FOXP2: variants seen among roughly 807,000 people sequenced by gnomAD.
FOXP2 encodes forkhead box P2, also known as forkhead box protein P2.
Under a neutral mutation model 115.8 loss-of-function variants are expected in FOXP2, and 12 were observed. The observed-to-expected ratio is 0.10, with a 90% CI of 0.07 to 0.17. FOXP2 has a LOEUF of 0.17. Ranked by LOEUF, FOXP2 falls within the 10% of genes least tolerant of loss-of-function variation. The pLI is 1.00. For synonymous variants in FOXP2, 328 were observed against 297.7 expected, an observed-to-expected ratio of 1.10 and a Z score of -1.05; for missense variants, 629 against 843.5, an observed-to-expected ratio of 0.75 and a Z score of 3.15.
intron 2 of FOXP2, among the ~76,000 whole-genome samples, chr7:114,515,510 T>C (rs1798292106): frequency 1.3e-5 from 2 of 152,240 alleles, no homozygotes; most frequent in African/African-American, 4.8e-5. Context: ...GCTGCATAGA[T>C]GTCTTCTTTG....
intron 2 of FOXP2, among the ~76,000 whole-genome samples, chr7:114,381,692 A>G (rs1316629332): frequency 6.6e-6 from 1 of 152,196 alleles, no homozygotes; most frequent in African/African-American, 2.4e-5. Context: ...AGCCTCACTG[A>G]TAATCCTGAG....
intron 1 of FOXP2, among the ~76,000 whole-genome samples, chr7:114,145,128 T>C (rs1792329918): frequency 6.6e-6 from 1 of 152,130 alleles, no homozygotes; most frequent in Non-Finnish European, 1.5e-5. Context: ...CATGACATAT[T>C]AAGCCCTCTA....
chr7:114,677,583 A>T (rs1807844961), intron 16 of FOXP2, among the ~76,000 whole-genome samples: 1 of 152,220 alleles, frequency 6.6e-6, no homozygotes, highest in Non-Finnish European at 1.5e-5. Context: ...TCCCTTTATA[A>T]TTTGACTGTT....
chr7:114,512,737 T>C (rs1244735248), intron 2 of FOXP2, among the ~76,000 whole-genome samples: 2 of 152,228 alleles, frequency 1.3e-5, no homozygotes, highest in African/African-American at 4.8e-5. Context: ...ATTAGTAGTA[T>C]AGTGAGGAAA....
At chr7:114,314,968 GA>G (rs991912736) in intron 2 of FOXP2, among the ~76,000 whole-genome samples, 10 of 151,876 alleles carry the variant, frequency 6.6e-5, no homozygotes, top group Non-Finnish European at 1.5e-4. Context: ...ACTTCTGAAA[GA>G]AAAAAAAGTG....
chr7:114,441,155 T>C (rs1794583840), intron 2 of FOXP2, among the ~76,000 whole-genome samples: 1 of 151,922 alleles, frequency 6.6e-6, no homozygotes, highest in African/African-American at 2.4e-5. Context: ...AAATAAAAAA[T>C]CGGAATGTTC....
At chr7:114,281,993 A>G (rs911451280) in intron 1 of FOXP2, among the ~76,000 whole-genome samples, 1 of 152,156 alleles carries the variant, frequency 6.6e-6, no homozygotes, top group African/African-American at 2.4e-5. Context: ...CTGTACAGAT[A>G]ATGCTTACAT....
chr7:114,409,345 A>T (rs1793111058), upstream of FOXP2, among the ~76,000 whole-genome samples: 1 of 152,144 alleles, frequency 6.6e-6, no homozygotes, highest in African/African-American at 2.4e-5. Context: ...AGATCCAAGG[A>T]TGGAGTGTAT....
intron 6 of FOXP2, 105 bp downstream of exon 6, chr7:114,631,810 A>G: frequency 8.7e-7 from 1 of 1,149,010 alleles, no homozygotes; most frequent in Non-Finnish European, 1.3e-6. Context: ...TATGACTTTC[A>G]AATTTATTAT....
At chr7:114,432,981 C>T (rs1235132024) in intron 2 of FOXP2, among the ~76,000 whole-genome samples, 4 of 151,886 alleles carry the variant, frequency 2.6e-5, no homozygotes, top group Non-Finnish European at 4.4e-5. Flanking sequence ...TGCAGTAACT[C>T]GATTTCACTG....
chr7:114,352,258 C>A (rs1014425456), intron 2 of FOXP2, among the ~76,000 whole-genome samples: 2 of 151,706 alleles, frequency 1.3e-5, no homozygotes, highest in African/African-American at 2.4e-5. Flanking sequence ...CAGAGTGAGA[C>A]CCTCTCTGAA....
In FOXP2 at chr7:114,658,230, G is replaced by A. The variant is rs148518030; in HGVS notation, c.1431G>A (p.Arg477=). 57 of 1,613,774 alleles carry A rather than the reference G, an allele frequency of 3.5e-5. No homozygotes were observed. The African/African-American group carries it at 7.3e-4, about 21-fold the overall frequency. The change falls in exon 11 of 17, where the codon AGG becomes AGA. Residue 477 remains arginine (R), a synonymous_variant. Transcript: ENST00000350908. The stretch of plus-strand genomic sequence containing the variant: ...TGCCCAATGTGGGAGCCATACGAAG[G>A]CGACATTCAGACAAATACAACATTC... ...ASVPNVGAIR[R]RHSDKYNIPM...
chr7:114,641,852 C>T (rs1265226189), intron 6 of FOXP2, among the ~76,000 whole-genome samples: 1 of 151,940 alleles, frequency 6.6e-6, no homozygotes, highest in Admixed American at 6.6e-5. Context: ...CTCACCCAGG[C>T]TAGAGTGCAG....
At chr7:114,645,491 G>GA (rs1161280200) in intron 8 of FOXP2, 1 of 151,754 alleles carries the variant, frequency 6.6e-6, no homozygotes, top group Non-Finnish European at 1.5e-5. Flanking sequence ...TTTTTCAAGT[G>GA]AAAATCTTCA....
At chr7:114,511,439 AG>A (rs1188454561) in intron 2 of FOXP2, among the ~76,000 whole-genome samples, 2 of 152,214 alleles carry the variant, frequency 1.3e-5, no homozygotes, top group African/African-American at 4.8e-5. Context: ...GAAAAAAGAA[AG>A]GAATCAAAAA....
chr7:114,532,446 C>T (rs1799185410), intron 2 of FOXP2, among the ~76,000 whole-genome samples: 1 of 151,776 alleles, frequency 6.6e-6, no homozygotes, highest in African/African-American at 2.4e-5. Flanking sequence ...CTAATGATTC[C>T]TTTGACAGAA....
chr7:114,273,876 T>A (rs1796121808), intron 1 of FOXP2, among the ~76,000 whole-genome samples: 1 of 152,106 alleles, frequency 6.6e-6, no homozygotes, highest in Non-Finnish European at 1.5e-5. Context: ...TTTGATCTTA[T>A]TTTTTGGTCC....
chr7:114,656,256 T>G (rs1340517502), intron 10 of FOXP2, among the ~76,000 whole-genome samples: 1 of 152,066 alleles, frequency 6.6e-6, no homozygotes, highest in Non-Finnish European at 1.5e-5. Context: ...GGGTTCTGAA[T>G]GTGCCATTTT....
upstream of FOXP2, among the ~76,000 whole-genome samples, chr7:114,159,571 A>G (rs1253424451): frequency 6.6e-6 from 1 of 152,176 alleles, no homozygotes; most frequent in Middle Eastern, 3.2e-3. Context: ...GATACTTTGG[A>G]TGAATGTGTA....
Sources: gnomAD v4.1 joint callset for allele counts (sites outside exome capture counted in the v4.1 genomes callset) on GRCh38, gnomAD v4.1.1 for gene constraint, MANE v1.5 for transcripts, NCBI Gene and HGNC (gene_info 2026-07-23, HGNC 2026-07-21) for gene names.